Variants in NCAPD3 observed in about 807,000 individuals in gnomAD.
NCAPD3 encodes the protein condensin-2 complex subunit D3.
A neutral mutation model predicts 182.9 loss-of-function variants in NCAPD3; 105 were observed. That is an observed-to-expected ratio of 0.57 (90% confidence interval 0.49 to 0.68). The LOEUF is 0.68. NCAPD3 is among the 30% of genes least tolerant of loss of function. NCAPD3 has a pLI of 0.00. For missense variants in NCAPD3, 1,944 were observed against 1,837.0 expected, an observed-to-expected ratio of 1.06 and a Z score of -1.07; for synonymous variants, 815 against 679.9, an observed-to-expected ratio of 1.20 and a Z score of -3.09.
At chr11:134,183,541 C>G (rs1944340487) in intron 19 of NCAPD3, among the ~76,000 whole-genome samples, 1 of 152,138 alleles carries the variant, frequency 6.6e-6, no homozygotes, top group South Asian at 2.1e-4. Flanking sequence ...GTACTCTAGC[C>G]TGGGTGACAG....
chr11:134,225,135 G>A, upstream of NCAPD3: 7 of 1,607,108 alleles, frequency 4.4e-6, no homozygotes, highest in Non-Finnish European at 6.0e-6. Context: ...GAGCTTCTTC[G>A]GCTTCGGGCA....
intron 17 of NCAPD3, 121 bp from the exon 18 acceptor site, chr11:134,185,121 C>A: frequency 1.1e-6 from 1 of 925,652 alleles, no homozygotes; most frequent in Admixed American, 2.0e-5. Context: ...GCTTAGGAGT[C>A]AAGCTGTGGG....
In NCAPD3 at chr11:134,150,820, T is replaced by C. The variant is rs1943202041; in HGVS notation, c.*2124A>G. 1 of 152,084 alleles carries C rather than the reference T, an allele frequency of 6.6e-6. No individual in the cohort carries two copies. Among genetic ancestry groups the C allele is most frequent in the African/African-American group, 2.4e-5 (1 of 41,392 alleles). 9.4% of individuals were successfully genotyped at this position (152,084 alleles called of 1,614,324 possible). ...CTCTGTCGCATTTCAAAACAAACCA[T>C]GATGGAGTGGCGGCCAGTCCAGCCT... On this transcript the variant is annotated 3_prime_UTR_variant, in exon 35 of 35. Transcript: ENST00000534548.
At chr11:134,167,532 TCA>T (rs1357545458) in intron 27 of NCAPD3, among the ~76,000 whole-genome samples, 55 of 116,406 alleles carry the variant, frequency 4.7e-4, no homozygotes, top group African/African-American at 1.7e-3. Context: ...AGCTGCACAC[TCA>T]CTAGTGAGAT....
Position 134,176,388 on chromosome 11 carries a change from T to C in NCAPD3, c.3022-2A>G, listed in dbSNP as rs1412104622. 6.2e-7 allele frequency: 1 copy of C among 1,613,706 alleles called. No individual in the cohort carries two copies. ...GCCCTTCCATTTCACAAATTCCTCC[T>C]GTGCAGAGAGAAGCCGGCATGTTTC... is the stretch of plus-strand genomic sequence containing the variant. On this transcript the variant is annotated splice_acceptor_variant, in intron 23 of 34. Transcript: ENST00000534548. LOFTEE classifies it high-confidence loss of function.
At position 134,203,630 on chromosome 11, in the gene NCAPD3, T is replaced by C. The variant is rs769051397; in HGVS notation, c.1468+24A>G. 5 of 1,602,912 alleles carry C rather than the reference T, an allele frequency of 3.1e-6. No individual in the cohort carries two copies. In the South Asian group the frequency reaches 5.5e-5, roughly 18 times the overall value. On this transcript the variant is annotated intron_variant, in intron 11 of 34. Coordinates refer to ENST00000534548, the MANE Select transcript of NCAPD3 (RefSeq NM_015261.3). ...CTCAATGAGCACAAGACCGGTTTAC[T>C]GTCCCAATAGTCGCCATACTCACTG...
upstream of NCAPD3, chr11:134,224,207 T>C (rs1005738019): frequency 1.1e-5 from 6 of 540,326 alleles, no homozygotes; most frequent in African/African-American, 1.2e-4. Context: ...CCTAACAGCG[T>C]TTTTCCCGCC....
intron 27 of NCAPD3, among the ~76,000 whole-genome samples, chr11:134,162,380 C>G (rs1414665805): frequency 6.6e-6 from 1 of 152,160 alleles, no homozygotes; most frequent in Non-Finnish European, 1.5e-5. Context: ...TCTCTGTGTA[C>G]ACATCTACAA....
chr11:134,175,697 T>C (rs937803916), intron 24 of NCAPD3, among the ~76,000 whole-genome samples: 5 of 152,080 alleles, frequency 3.3e-5, no homozygotes, highest in Non-Finnish European at 4.4e-5. Context: ...CAACAAACTC[T>C]AGGGTAGCAA....
chr11:134,203,612 A>G (rs200615602), intron 11 of NCAPD3, 42 bp downstream of exon 11: 3 of 1,591,114 alleles, frequency 1.9e-6, no homozygotes, highest in East Asian at 4.5e-5. Flanking sequence ...TTTCTCAATG[A>G]GCACAAGACC....
At chr11:134,160,671 C>A (rs764601441) in intron 28 of NCAPD3, among the ~76,000 whole-genome samples, 1 of 152,136 alleles carries the variant, frequency 6.6e-6, no homozygotes, top group Non-Finnish European at 1.5e-5. Flanking sequence ...AGGGGCAAGA[C>A]CACTTTGCTA....
chr11:134,171,970 C>G (rs1944016174), intron 24 of NCAPD3, among the ~76,000 whole-genome samples: 1 of 152,180 alleles, frequency 6.6e-6, no homozygotes, highest in Admixed American at 6.5e-5. Context: ...TTTCGTGTTC[C>G]TTTTCTAGGG....
intron 27 of NCAPD3, among the ~76,000 whole-genome samples, chr11:134,167,357 T>C (rs1394805631): frequency 9.1e-5 from 6 of 66,248 alleles, no homozygotes; most frequent in Admixed American, 1.8e-4. Flanking sequence ...TGAGATGAGC[T>C]TGGGGGAGGC....
At chr11:134,200,654 G>A (rs1168231163) in intron 13 of NCAPD3, among the ~76,000 whole-genome samples, 1 of 152,186 alleles carries the variant, frequency 6.6e-6, no homozygotes, top group Non-Finnish European at 1.5e-5. Context: ...TGGCCACTTT[G>A]AAAAAGTGTG....
intron 12 of NCAPD3, 90 bp from the exon 13 acceptor site, chr11:134,202,995 A>T: frequency 8.2e-7 from 1 of 1,214,820 alleles, no homozygotes; most frequent in Non-Finnish European, 1.2e-6. Flanking sequence ...AAGTTACAAC[A>T]TTATTACTGA....
At position 134,168,656 on chromosome 11, in the gene NCAPD3, T is replaced by C. The variant is rs980854344; in HGVS notation, c.3240-54A>G. The C allele has an allele frequency of 6.2e-6, 10 of 1,606,782 alleles. No individual in the cohort carries two copies. The South Asian group carries it at 9.9e-5, about 16-fold the overall frequency. ...ATCACATGGGCACGGGTGTAAGGGATTTAACACTGCACTTTAACTGCATCC... is the reference window on the plus strand; with the variant it reads ...ATCACATGGGCACGGGTGTAAGGGACTTAACACTGCACTTTAACTGCATCC... On this transcript the variant is annotated intron_variant, in intron 25 of 34. Transcript: ENST00000534548.
chr11:134,180,367 T>C (rs1426477175), intron 20 of NCAPD3, among the ~76,000 whole-genome samples: 1 of 152,184 alleles, frequency 6.6e-6, no homozygotes, highest in African/African-American at 2.4e-5. Flanking sequence ...ATGGCCCGTT[T>C]TGGTTAAATA....
intron 14 of NCAPD3, 42 bp from the exon 15 acceptor site, chr11:134,194,192 A>C (rs1944581175): frequency 9.5e-6 from 15 of 1,587,138 alleles, no homozygotes; most frequent in Non-Finnish European, 1.3e-5. Context: ...ACTGCATAGC[A>C]TCAACTCACA....
chr11:134,225,348 G>T, upstream of NCAPD3: 1 of 1,613,384 alleles, frequency 6.2e-7, no homozygotes, highest in South Asian at 1.1e-5. Flanking sequence ...GCAGATCGGT[G>T]AGTCGACCCC....
Sources: allele counts gnomAD v4.1 joint callset (sites outside exome capture counted in the v4.1 genomes callset), GRCh38; gene constraint gnomAD v4.1.1; transcripts MANE v1.5; gene names NCBI Gene and HGNC (gene_info 2026-07-23, HGNC 2026-07-21).